The following ZNF546 variants were observed in gnomAD, a reference collection of about 807,000 sequenced individuals.
The protein encoded by ZNF546 is CTC-471F3.6.
A neutral mutation model predicts 76.2 loss-of-function variants in ZNF546; 60 were observed. The ratio of observed to expected loss-of-function variants is 0.79; its 90% confidence interval spans 0.64 to 0.98. The LOEUF (loss-of-function observed/expected upper bound fraction) is 0.98. Ranked by LOEUF, ZNF546 falls within the 50% of genes least tolerant of loss-of-function variation. The pLI, the probability that ZNF546 is intolerant of heterozygous loss-of-function variation, is 0.00. For synonymous variants in ZNF546, 277 were observed against 328.1 expected, an observed-to-expected ratio of 0.84 and a Z score of 1.68; for missense variants, 936 against 1,035.6, an observed-to-expected ratio of 0.90 and a Z score of 1.32.
rs761945248 is a variant in ZNF546, at chr19:40,015,924, C to T, written c.*143C>T. 16 of 765,718 alleles carry T rather than the reference C, an allele frequency of 2.1e-5. No homozygotes were observed. The highest frequency in any genetic ancestry group is 3.0e-5 in the Non-Finnish European group (14 of 462,964). 47.4% of individuals were successfully genotyped at this position (765,718 alleles called of 1,614,324 possible). ...GAAATTATTTCGTATGTTAAAGAGT[C>T]GAAAGACTATAGCATCACTCAGTCC... On this transcript the variant is annotated 3_prime_UTR_variant, in exon 7 of 7. Transcript: ENST00000347077.
chr19:40,015,453 A>C lies in ZNF546; in HGVS notation c.2183A>C (p.Lys728Thr), dbSNP rs1465868841. ...ELPYECKECG[K>T]TFSRRYHLTQ... is the part of the protein sequence containing the mutation. The stretch of plus-strand genomic sequence containing the variant: ...CCATATGAATGTAAGGAATGTGGAA[A>C]GACCTTTAGTCGTCGGTATCATCTT... Residue 728 changes from lysine (K) to threonine (T), a missense_variant, in exon 7 of 7, where the codon AAG (lysine) becomes ACG (threonine). Coordinates refer to ENST00000347077, the MANE Select transcript of ZNF546 (RefSeq NM_178544.5). The C allele has an allele frequency of 1.2e-6, 2 of 1,614,250 alleles. No individual in the cohort carries two copies. The highest frequency in any genetic ancestry group is 1.7e-6 in the Non-Finnish European group (2 of 1,180,048).
Position 40,014,446 on chromosome 19 carries a change from G to A in ZNF546, c.1176G>A (p.Lys392=). The A allele has an allele frequency of 5.0e-6, 8 of 1,614,062 alleles. No individual in the cohort carries two copies. The highest frequency in any genetic ancestry group is 6.8e-6 in the Non-Finnish European group (8 of 1,179,970). Reference sequence around the variant, plus strand: ...CCTATAAATGTAATGAATGTGGGAAGGCCTTTAGTCATGGCTCATACCTTG... The same window carrying A: ...CCTATAAATGTAATGAATGTGGGAAAGCCTTTAGTCATGGCTCATACCTTG... The part of the protein sequence containing the change: ...VKPYKCNECG[K]AFSHGSYLVQ... The change falls in exon 7 of 7, where the codon AAG becomes AAA. Residue 392 remains lysine, a synonymous_variant. Transcript: ENST00000347077.
intron 3 of ZNF546, among the ~76,000 whole-genome samples, chr19:40,002,594 C>G (rs767791407): frequency 2.6e-5 from 4 of 152,150 alleles, no homozygotes; most frequent in African/African-American, 9.7e-5. Context: ...TCCAATAGAA[C>G]TTTCCATGAT....
At chr19:40,012,338 G>C (rs374904176) in intron 6 of ZNF546, among the ~76,000 whole-genome samples, 1 of 152,174 alleles carries the variant, frequency 6.6e-6, no homozygotes, top group African/African-American at 2.4e-5. Flanking sequence ...ATGTATCTTT[G>C]TTCCCTTTCA....
chr19:40,014,162 G>A lies in ZNF546; in HGVS notation c.892G>A (p.Val298Met), dbSNP rs750376792. ...TGAACATCAGAGAATACATTCTGGT[G>A]TGAAACCCTACGAGTGTAAGGAATG... ...LTEHQRIHSG[V>M]KPYECKECGK... The change falls in exon 7 of 7, where the codon GTG becomes ATG. Residue 298 changes from valine (V) to methionine (M), a missense_variant. Val to Met is a conservative substitution (Grantham distance 21). Transcript: ENST00000347077. 49 of 1,614,020 alleles carry A rather than the reference G, an allele frequency of 3.0e-5. No individual in the cohort carries two copies. Among genetic ancestry groups the A allele is most frequent in the Non-Finnish European group, 4.0e-5 (47 of 1,179,964 alleles).
At chr19:40,008,791 C>T in intron 6 of ZNF546, among the ~76,000 whole-genome samples, 1 of 152,172 alleles carries the variant, frequency 6.6e-6, no homozygotes, top group East Asian at 1.9e-4. Flanking sequence ...GTATTTCTCT[C>T]CTCTTTCAAA....
In ZNF546 at chr19:39,998,408, A is replaced by C. The variant is rs1279170049; in HGVS notation, c.82A>C (p.Met28Leu). ...CATTCCTCTGCACTCACTTTCTATA[A>C]TGGTAGAGAAATGCATATCCTGGAG... Reference protein sequence around the residue: ...QIIPLHSLSIMPRFLWILCFS... With the variant: ...QIIPLHSLSILPRFLWILCFS... The change falls in exon 3 of 7, where the codon ATG becomes CTG. Residue 28 changes from methionine (M) to leucine (L), a missense_variant and splice_region_variant. By Grantham distance (15) the Met-to-Leu change is conservative (BLOSUM62 2). Coordinates refer to ENST00000347077, the MANE Select transcript of ZNF546 (RefSeq NM_178544.5). 1.3e-5 allele frequency: 21 copies of C among 1,612,622 alleles called. No individual in the cohort carries two copies. The highest frequency in any genetic ancestry group is 1.6e-5 in the Non-Finnish European group (19 of 1,178,766).
chr19:39,998,412 T>C lies in ZNF546; in HGVS notation c.84+2T>C, dbSNP rs756179574. The C allele has an allele frequency of 6.2e-7, 1 of 1,611,516 alleles. No individual in the cohort carries two copies. Among genetic ancestry groups the C allele is most frequent in the Non-Finnish European group, 8.5e-7 (1 of 1,177,582 alleles). On this transcript the variant is annotated splice_donor_variant, in intron 3 of 6. Coordinates refer to ENST00000347077, the MANE Select transcript of ZNF546 (RefSeq NM_178544.5). LOFTEE classifies it high-confidence loss of function. ...CCTCTGCACTCACTTTCTATAATGG[T>C]AGAGAAATGCATATCCTGGAGTCTA...
At chr19:40,004,079 A>G (rs1488859207) in intron 3 of ZNF546, among the ~76,000 whole-genome samples, 1 of 143,292 alleles carries the variant, frequency 7.0e-6, no homozygotes, top group Non-Finnish European at 1.5e-5. Context: ...ATAAATATAT[A>G]TATAACTATA....
rs1327071961 is a variant in ZNF546, at chr19:40,014,413, T to C, written c.1143T>C (p.Gly381=). ...HISQHQKIHT[G]VKPYKCNECG... ...GTCAACATCAGAAAATTCATACTGG[T>C]GTCAAACCCTATAAATGTAATGAAT... Residue 381 remains glycine (G), a synonymous_variant, in exon 7 of 7, where the codon GGT becomes GGC. Transcript: ENST00000347077. 1.2e-6 allele frequency: 2 copies of C among 1,613,502 alleles called. No homozygotes were observed. Among genetic ancestry groups the C allele is most frequent in the Non-Finnish European group, 1.7e-6 (2 of 1,179,854 alleles).
chr19:40,006,477 A>G (rs1206462755), intron 4 of ZNF546, among the ~76,000 whole-genome samples: 1 of 152,218 alleles, frequency 6.6e-6, no homozygotes, highest in African/African-American at 2.4e-5. Flanking sequence ...TGGGGCCTGC[A>G]TATGGTAGTT....
At chr19:40,007,176 A>T in intron 4 of ZNF546, 98 bp from the exon 5 acceptor site, 1 of 881,180 alleles carries the variant, frequency 1.1e-6, no homozygotes, top group Non-Finnish European at 1.6e-6. Context: ...CTTGAGCCCC[A>T]GTTTATTTGC....
At chr19:40,004,336 C>T (rs952233719) in intron 3 of ZNF546, among the ~76,000 whole-genome samples, 6 of 151,880 alleles carry the variant, frequency 4.0e-5, no homozygotes, top group Non-Finnish European at 7.4e-5. Flanking sequence ...GGCACAGTCT[C>T]GGCTCACTGC....
Position 40,014,430 on chromosome 19 carries a change from G to C in ZNF546, c.1160G>C (p.Cys387Ser). The C allele has an allele frequency of 6.2e-7, 1 of 1,614,072 alleles. No homozygotes were observed. The highest frequency in any genetic ancestry group is 8.5e-7 in the Non-Finnish European group (1 of 1,179,974). ...KIHTGVKPYK[C>S]NECGKAFSHG... ...CATACTGGTGTCAAACCCTATAAATGTAATGAATGTGGGAAGGCCTTTAGT... is the reference window on the plus strand; with the variant it reads ...CATACTGGTGTCAAACCCTATAAATCTAATGAATGTGGGAAGGCCTTTAGT... The change falls in exon 7 of 7, where the codon TGT (cysteine) becomes TCT (serine). Residue 387 changes from cysteine (C) to serine (S), a missense_variant. Coordinates refer to ENST00000347077, the MANE Select transcript of ZNF546 (RefSeq NM_178544.5).
At position 40,018,137 on chromosome 19, in the gene ZNF546, A is replaced by AT. The variant is rs1168440930; in HGVS notation, c.*2362dup. On this transcript the variant is annotated 3_prime_UTR_variant, in exon 7 of 7. Coordinates refer to ENST00000347077, the MANE Select transcript of ZNF546 (RefSeq NM_178544.5). ...AGGCGCCTTCAACCATGCCCGGCTAATTTTTTGTATTTTTAGTAGAGACGG... is the reference window on the plus strand; with the variant it reads ...AGGCGCCTTCAACCATGCCCGGCTAATTTTTTTGTATTTTTAGTAGAGACGG... 1.3e-5 allele frequency: 2 copies of AT among 151,588 alleles called. No individual in the cohort carries two copies. Among genetic ancestry groups the AT allele is most frequent in the Non-Finnish European group, 2.9e-5 (2 of 67,988 alleles). The allele number at this position is 151,588 out of a possible 1,614,324, so 9.4% of individuals were successfully genotyped here.
rs1037208897 is a variant in ZNF546 at position 40,013,095 on chromosome 19, G to A, written c.395-570G>A. ...CCCAAAGTGCTGGGATTACAGGCAC[G>A]AGCCACCGCACCCGGCCTATTTTAC... On this transcript the variant is annotated intron_variant, in intron 6 of 6. Transcript: ENST00000347077. Among the ~76,000 whole-genome samples the A allele has an allele frequency of 6.6e-5, 10 of 152,216 alleles. No individual in the cohort carries two copies. In the East Asian group the frequency reaches 9.7e-4, roughly 15 times the overall value.
At position 40,014,938 on chromosome 19, in the gene ZNF546, G is replaced by A. The variant is rs752431765; in HGVS notation, c.1668G>A (p.Lys556=). The change falls in exon 7 of 7, where the codon AAG becomes AAA. Residue 556 remains lysine, a synonymous_variant. Transcript: ENST00000347077. ...CATGTGAGAAACCCTATGAATGTAA[G>A]GAATGTGGGAAGGCTTTTATTCATA... ...IHTCEKPYEC[K]ECGKAFIHSN... 6.2e-7 allele frequency: 1 copy of A among 1,611,610 alleles called. No individual in the cohort carries two copies. The highest frequency in any genetic ancestry group is 1.3e-5 in the African/African-American group (1 of 74,658).
chr19:40,012,944 G>A (rs999349992), intron 6 of ZNF546, among the ~76,000 whole-genome samples: 13 of 151,868 alleles, frequency 8.6e-5, no homozygotes, highest in African/African-American at 3.1e-4. Flanking sequence ...CTCCCGAGTA[G>A]CTGGGACTAC....
At chr19:40,001,430 T>C (rs1438443465) in intron 3 of ZNF546, among the ~76,000 whole-genome samples, 1 of 151,878 alleles carries the variant, frequency 6.6e-6, no homozygotes, top group African/African-American at 2.4e-5. Context: ...TGGCTCAATC[T>C]CAGCTCATTG....
Sources: allele counts gnomAD v4.1 joint callset (sites outside exome capture counted in the v4.1 genomes callset), GRCh38; gene constraint gnomAD v4.1.1; transcripts MANE v1.5; gene names NCBI Gene and HGNC (gene_info 2026-07-23, HGNC 2026-07-21).